Variants in DPP10 observed in about 807,000 individuals in gnomAD.
DPP10 encodes inactive dipeptidyl peptidase 10.
In DPP10, 33 loss-of-function variants were observed where a neutral mutation model predicts 120.9. The ratio of observed to expected loss-of-function variants is 0.27; its 90% CI spans 0.21 to 0.37. The LOEUF (loss-of-function observed/expected upper bound fraction) is 0.37. Among genes scored for constraint, DPP10 ranks in the 10% least tolerant of loss-of-function variants. The probability of loss-of-function intolerance (pLI) is 1.00; values close to 1 mark genes in which losing one functional copy is unlikely to be tolerated. For missense variants in DPP10, 816 were observed against 942.8 expected, an observed-to-expected ratio of 0.87 and a Z score of 1.76; for synonymous variants, 337 against 326.1, an observed-to-expected ratio of 1.03 and a Z score of -0.36.
intron 1 of DPP10, among the ~76,000 whole-genome samples, chr2:115,303,683 T>C (rs528730290): frequency 1.3e-5 from 2 of 152,080 alleles, no homozygotes; most frequent in South Asian, 4.1e-4. Context: ...TTGTATTGTA[T>C]TATTGCCTAG....
intron 1 of DPP10, among the ~76,000 whole-genome samples, chr2:114,541,158 G>A (rs796617485): frequency 6.6e-5 from 10 of 152,274 alleles, no homozygotes; most frequent in African/African-American, 2.4e-4. Context: ...GCGAAGTCAC[G>A]GCTTTTCGCA....
chr2:114,717,624 T>C (rs1300146043), intron 1 of DPP10, among the ~76,000 whole-genome samples: 1 of 152,236 alleles, frequency 6.6e-6, no homozygotes, highest in Non-Finnish European at 1.5e-5. Context: ...AATTTTTAGA[T>C]ACTTGATGTT....
chr2:115,244,247 G>C (rs796196578), intron 1 of DPP10, among the ~76,000 whole-genome samples: 1 of 55,524 alleles, frequency 1.8e-5, no homozygotes, highest in African/African-American at 5.2e-5. Context: ...TATAGAGAGA[G>C]AGAGAGAGAG....
intron 1 of DPP10, among the ~76,000 whole-genome samples, chr2:114,653,925 A>G (rs919166714): frequency 2.6e-5 from 4 of 152,068 alleles, no homozygotes; most frequent in African/African-American, 4.8e-5. Context: ...GCTTTTCTAG[A>G]TAGGCATCTA....
chr2:115,035,265 T>G (rs1455611529), intron 1 of DPP10, among the ~76,000 whole-genome samples: 1 of 152,270 alleles, frequency 6.6e-6, no homozygotes, highest in African/African-American at 2.4e-5. Flanking sequence ...CCTAGCTCCC[T>G]GTACACTTCC....
At chr2:115,318,777 T>G (rs1005640782) in intron 2 of DPP10, among the ~76,000 whole-genome samples, 1 of 152,154 alleles carries the variant, frequency 6.6e-6, no homozygotes, top group Admixed American at 6.5e-5. Context: ...TCTTCAACTT[T>G]GTTGAAATCA....
chr2:115,772,945 C>T (rs1213473271), intron 13 of DPP10, among the ~76,000 whole-genome samples: 2 of 152,118 alleles, frequency 1.3e-5, no homozygotes, highest in African/African-American at 4.8e-5. Flanking sequence ...TTCACTTTCT[C>T]TATTCAGCAA....
chr2:115,603,018 G>T (rs2083430073), intron 5 of DPP10, among the ~76,000 whole-genome samples: 1 of 152,082 alleles, frequency 6.6e-6, no homozygotes, highest in Non-Finnish European at 1.5e-5. Flanking sequence ...GAAAGTTGGT[G>T]CATTTGCCAT....
chr2:115,547,919 G>T, intron 5 of DPP10, among the ~76,000 whole-genome samples: 1 of 152,094 alleles, frequency 6.6e-6, no homozygotes, highest in East Asian at 1.9e-4. Flanking sequence ...AATCGATTTT[G>T]TTTGTGTTTA....
chr2:114,464,053 G>A (rs1438809189), intron 1 of DPP10, among the ~76,000 whole-genome samples: 1 of 152,072 alleles, frequency 6.6e-6, no homozygotes, highest in African/African-American at 2.4e-5. Flanking sequence ...TGGAGAACTC[G>A]GTTGCTTTCA....
intron 5 of DPP10, among the ~76,000 whole-genome samples, chr2:115,604,039 T>C (rs935437409): frequency 1.3e-5 from 2 of 151,414 alleles, no homozygotes; most frequent in South Asian, 2.1e-4. Context: ...AGAAAAATGA[T>C]AGGGATATGC....
intron 1 of DPP10, among the ~76,000 whole-genome samples, chr2:115,251,951 C>A (rs2058771135): frequency 6.6e-6 from 1 of 152,076 alleles, no homozygotes; most frequent in African/African-American, 2.4e-5. Flanking sequence ...AGTAAAAAAC[C>A]TGTGTTGAAA....
At chr2:115,051,016 A>G (rs984910707) in intron 1 of DPP10, among the ~76,000 whole-genome samples, 1 of 152,214 alleles carries the variant, frequency 6.6e-6, no homozygotes, top group Non-Finnish European at 1.5e-5. Context: ...ACTCTGGAGA[A>G]GAGAAAAACC....
intron 1 of DPP10, among the ~76,000 whole-genome samples, chr2:115,088,768 A>AAAAAAAAAAAAC (rs775985067): frequency 0.021 from 2,779 of 134,162 alleles, 169 homozygotes; most frequent in East Asian, 0.034. Context: ...AAAAAAAAAA[A>AAAAAAAAAAAAC]ACCAAAAAAC....
chr2:114,685,494 A>G (rs1267762105), intron 1 of DPP10, among the ~76,000 whole-genome samples: 1 of 151,942 alleles, frequency 6.6e-6, no homozygotes, highest in Non-Finnish European at 1.5e-5. Flanking sequence ...CTCTCTCTGA[A>G]GCCTGAGACA....
At chr2:114,556,668 TA>T (rs1688339184) in intron 1 of DPP10, among the ~76,000 whole-genome samples, 1 of 152,016 alleles carries the variant, frequency 6.6e-6, no homozygotes, top group South Asian at 2.1e-4. Flanking sequence ...TGAGAGCAAC[TA>T]AAGAAAGTGT....
In DPP10 at chr2:115,334,230, G is replaced by GTTTTTTTTTTTTTTT; in HGVS notation, c.176-9585_176-9571dup. On this transcript the variant is annotated intron_variant, in intron 2 of 25. Coordinates refer to ENST00000410059, the MANE Select transcript of DPP10 (RefSeq NM_020868.6). ...TCAGGAATGGACCAGAGCAGACTCT[G>GTTTTTTTTTTTTTTT]TTTTTTTTTTTTTTTTAAGAAACCT... Among the ~76,000 whole-genome samples, 144 of 56,370 alleles carry GTTTTTTTTTTTTTTT rather than the reference G, an allele frequency of 2.6e-3. 29 individuals are homozygous for GTTTTTTTTTTTTTTT. Among genetic ancestry groups the GTTTTTTTTTTTTTTT allele is most frequent in the East Asian group, 6.7e-3 (12 of 1,796 alleles). The allele number at this position is 56,370 out of a possible 152,430, so 37.0% of individuals were successfully genotyped here.
rs2081130033 is a variant in DPP10 at position 115,568,272 on chromosome 2, C to T, written c.441+42300C>T. 1.3e-5 allele frequency among the ~76,000 whole-genome samples: 2 copies of T among 151,664 alleles called. 1 individual carries two copies. The stretch of plus-strand genomic sequence containing the variant: ...GACTGAGGCGGGCAGATCACGAGGT[C>T]AAGAGATTGAGACCACCCTGGCCAA... On this transcript the variant is annotated intron_variant, in intron 5 of 25. Coordinates refer to ENST00000410059, the MANE Select transcript of DPP10 (RefSeq NM_020868.6).
intron 1 of DPP10, among the ~76,000 whole-genome samples, chr2:114,532,230 A>C (rs1197359754): frequency 2.1e-5 from 3 of 140,900 alleles, no homozygotes; most frequent in Non-Finnish European, 4.6e-5. Flanking sequence ...CCATAACTGC[A>C]CGAGCCAATT....
Sources: allele counts gnomAD v4.1 joint callset (sites outside exome capture counted in the v4.1 genomes callset), GRCh38; gene constraint gnomAD v4.1.1; transcripts MANE v1.5; gene names NCBI Gene and HGNC (gene_info 2026-07-23, HGNC 2026-07-21).